The following GRID2 variants were observed in gnomAD, a reference collection of about 807,000 sequenced individuals.
GRID2 encodes the protein glutamate ionotropic receptor delta type subunit 2.
GRID2 carries 33 observed loss-of-function variants against 114.8 expected under a neutral mutation model. The ratio of observed to expected loss-of-function variants is 0.29; its 90% CI spans 0.22 to 0.38. The LOEUF (loss-of-function observed/expected upper bound fraction) is 0.38, where lower values mean the gene tolerates loss of function less well. Among genes scored for constraint, GRID2 ranks in the 10% least tolerant of loss-of-function variants. The pLI, the probability that GRID2 is intolerant of heterozygous loss-of-function variation, is 1.00. For missense variants in GRID2, 1,184 were observed against 1,257.7 expected (o/e 0.94, Z 0.89); for synonymous variants, 505 against 449.9 (o/e 1.12, Z -1.55).
At chr4:93,489,863 CATATTGA>C (rs1261052686) in intron 11 of GRID2, among the ~76,000 whole-genome samples, 1 of 151,870 alleles carries the variant, frequency 6.6e-6, no homozygotes, top group Non-Finnish European at 1.5e-5. Context: ...GTTAGAGATG[CATATTGA>C]ATTGCAAGTG....
intron 2 of GRID2, among the ~76,000 whole-genome samples, chr4:92,607,624 A>T (rs1388465734): frequency 6.6e-6 from 1 of 151,890 alleles, no homozygotes; most frequent in East Asian, 1.9e-4. Context: ...TTTGTTTCCC[A>T]GACTTACTCA....
chr4:92,590,324 A>G, intron 2 of GRID2, 38 bp downstream of exon 2: 1 of 1,458,090 alleles, frequency 6.9e-7, no homozygotes, highest in East Asian at 2.3e-5. Context: ...TTTTGGTTCA[A>G]TTCAAGTGGC....
chr4:92,982,005 A>C (rs1754242377), intron 2 of GRID2, among the ~76,000 whole-genome samples: 2 of 145,218 alleles, frequency 1.4e-5, no homozygotes, highest in Non-Finnish European at 3.0e-5. Flanking sequence ...AAGTATCTTC[A>C]CAGTCTAAAG....
At chr4:93,387,360 G>A (rs1299258638) in intron 8 of GRID2, among the ~76,000 whole-genome samples, 1 of 151,984 alleles carries the variant, frequency 6.6e-6, no homozygotes, top group Non-Finnish European at 1.5e-5. Context: ...TCATACTGAA[G>A]GCTTTTGAAA....
At chr4:93,227,561 C>T (rs1470292741) in intron 7 of GRID2, among the ~76,000 whole-genome samples, 2 of 152,130 alleles carry the variant, frequency 1.3e-5, no homozygotes, top group East Asian at 3.9e-4. Flanking sequence ...CATAGCCACC[C>T]TGTAAGTTTT....
intron 2 of GRID2, among the ~76,000 whole-genome samples, chr4:92,783,288 G>C (rs17019896): frequency 4.0e-5 from 6 of 151,836 alleles, no homozygotes; most frequent in Non-Finnish European, 8.8e-5. Context: ...GTTTTCACCC[G>C]CAAAAATGGC....
intron 2 of GRID2, among the ~76,000 whole-genome samples, chr4:93,007,532 A>G (rs1721673381): frequency 6.6e-6 from 1 of 152,178 alleles, no homozygotes; most frequent in African/African-American, 2.4e-5. Context: ...TTATAAAGAC[A>G]TAGTTTTAAA....
At chr4:92,717,077 A>G (rs1315343387) in intron 2 of GRID2, among the ~76,000 whole-genome samples, 2 of 152,178 alleles carry the variant, frequency 1.3e-5, no homozygotes, top group African/African-American at 2.4e-5. Context: ...CTGGAGTGCA[A>G]TGACCACTTA....
chr4:92,538,594 A>G (rs1725766651), intron 1 of GRID2, among the ~76,000 whole-genome samples: 1 of 152,174 alleles, frequency 6.6e-6, no homozygotes, highest in East Asian at 1.9e-4. Flanking sequence ...AGTTTAAATA[A>G]TATAGGTCCA....
chr4:93,595,412 T>A (rs1305958049), intron 13 of GRID2, among the ~76,000 whole-genome samples: 1 of 152,200 alleles, frequency 6.6e-6, no homozygotes, highest in Non-Finnish European at 1.5e-5. Flanking sequence ...CAGCCCTGTA[T>A]TTACTTGCTG....
At chr4:92,812,553 G>A (rs1259903328) in intron 2 of GRID2, among the ~76,000 whole-genome samples, 1 of 151,964 alleles carries the variant, frequency 6.6e-6, no homozygotes, top group Non-Finnish European at 1.5e-5. Flanking sequence ...TTTAAATGTA[G>A]TATTTAAATA....
chr4:93,805,577 C>G (rs1472146962), intron 1 of GRID2, among the ~76,000 whole-genome samples: 2 of 152,134 alleles, frequency 1.3e-5, no homozygotes, highest in Non-Finnish European at 2.9e-5. Flanking sequence ...GTAACATTAG[C>G]AAAGATTTTG....
intron 8 of GRID2, among the ~76,000 whole-genome samples, chr4:93,256,106 T>G (rs906547441): frequency 3.1e-4 from 47 of 152,096 alleles, no homozygotes; most frequent in African/African-American, 1.1e-3. Flanking sequence ...TTCTTTTGAC[T>G]TTCTCCTACA....
At chr4:92,888,647 A>C (rs1222189303) in intron 2 of GRID2, among the ~76,000 whole-genome samples, 1 of 152,112 alleles carries the variant, frequency 6.6e-6, no homozygotes, top group Non-Finnish European at 1.5e-5. Context: ...TATGTAGAAA[A>C]ATAGAATGCA....
chr4:93,497,469 T>C (rs1727661314), intron 12 of GRID2, among the ~76,000 whole-genome samples: 1 of 151,858 alleles, frequency 6.6e-6, no homozygotes, highest in South Asian at 2.1e-4. Context: ...TTCTCCTATT[T>C]CTTCTAAAAG....
chr4:92,333,519 T>C (rs1196360897), intron 1 of GRID2, among the ~76,000 whole-genome samples: 2 of 152,326 alleles, frequency 1.3e-5, no homozygotes, highest in Admixed American at 1.3e-4. Context: ...GCTTGGACAC[T>C]CTTGGTTTGC....
intron 1 of GRID2, among the ~76,000 whole-genome samples, chr4:92,551,186 A>G (rs1484423034): frequency 6.6e-6 from 1 of 152,074 alleles, no homozygotes; most frequent in Non-Finnish European, 1.5e-5. Context: ...TAGCTGTGTC[A>G]TTCCAACAAA....
rs761603169 is a variant in GRID2 at position 93,275,857 on chromosome 4, T to G, written c.1245+37367T>G. Among the ~76,000 whole-genome samples, 7 of 152,046 alleles carry G rather than the reference T, an allele frequency of 4.6e-5. No individual in the cohort carries two copies. The East Asian group carries it at 1.4e-3, about 29-fold the overall frequency. ...GGTTGTAAATCTTCTTTATATAAATTGGATATAAATCCTTTATCAGATCTA... is the reference window on the plus strand; with the variant it reads ...GGTTGTAAATCTTCTTTATATAAATGGGATATAAATCCTTTATCAGATCTA... On this transcript the variant is annotated intron_variant, in intron 8 of 15. Coordinates refer to ENST00000282020, the MANE Select transcript of GRID2 (RefSeq NM_001510.4).
chr4:93,102,145 T>G (rs1388955644), intron 3 of GRID2, among the ~76,000 whole-genome samples: 1 of 152,164 alleles, frequency 6.6e-6, no homozygotes, highest in East Asian at 1.9e-4. Context: ...AGTTTGAAAG[T>G]CTAGGGAACA....
Sources: allele counts gnomAD v4.1 joint callset (sites outside exome capture counted in the v4.1 genomes callset), GRCh38; gene constraint gnomAD v4.1.1; transcripts MANE v1.5; gene names NCBI Gene and HGNC (gene_info 2026-07-23, HGNC 2026-07-21).